AUH: variants seen among roughly 807,000 people sequenced by gnomAD.
AUH encodes AU RNA binding methylglutaconyl-CoA hydratase.
In AUH, 29 loss-of-function variants were observed where a neutral mutation model predicts 42.3. The ratio of observed to expected loss-of-function variants is 0.69; its 90% CI spans 0.51 to 0.93. The LOEUF (loss-of-function observed/expected upper bound fraction) is 0.93. Among genes scored for constraint, AUH ranks in the 40% least tolerant of loss-of-function variants. The probability of loss-of-function intolerance (pLI) is 0.00; values close to 1 mark genes in which losing one functional copy is unlikely to be tolerated. For missense variants in AUH, 452 were observed against 438.1 expected (o/e 1.03, Z -0.28); for synonymous variants, 174 against 166.4 (o/e 1.05, Z -0.35).
chr9:91,343,207 T>C (rs949594907), intron 3 of AUH: 4 of 152,138 alleles, frequency 2.6e-5, no homozygotes, highest in Admixed American at 1.3e-4. Flanking sequence ...TCATCTCTCC[T>C]AACCTCTCAT....
chr9:91,307,707 A>G (rs1703934363), intron 4 of AUH, among the ~76,000 whole-genome samples: 1 of 152,196 alleles, frequency 6.6e-6, no homozygotes, highest in African/African-American at 2.4e-5. Flanking sequence ...ATTGTTGCTA[A>G]TATCTTACTA....
At chr9:91,277,400 GA>G (rs1165208298) in intron 6 of AUH, among the ~76,000 whole-genome samples, 1 of 152,092 alleles carries the variant, frequency 6.6e-6, no homozygotes, top group African/African-American at 2.4e-5. Flanking sequence ...AACATTTCAA[GA>G]GAGTTCCTTA....
In AUH at chr9:91,355,881, A is replaced by T; in HGVS notation, c.418+2T>A. 3 of 1,602,746 alleles carry T rather than the reference A, an allele frequency of 1.9e-6. No individual in the cohort carries two copies. Among genetic ancestry groups the T allele is most frequent in the Non-Finnish European group, 2.6e-6 (3 of 1,169,766 alleles). On this transcript the variant is annotated splice_donor_variant, in intron 3 of 9. Transcript: ENST00000375731. LOFTEE classifies it high-confidence loss of function. ...ATTTCATAATACAACATATTTACAT[A>T]CCAGCACAGAATATCCCTGGGACTT...
At chr9:91,216,224 C>CTATATCAA in intron 8 of AUH, 118 bp from the exon 9 acceptor site, 1 of 1,009,734 alleles carries the variant, frequency 9.9e-7, no homozygotes, top group Non-Finnish European at 1.5e-6. Context: ...TGATATAGTA[C>CTATATCAA]AGCAGATCAG....
intron 6 of AUH, among the ~76,000 whole-genome samples, chr9:91,235,327 A>G (rs1439490368): frequency 1.3e-5 from 2 of 152,086 alleles, no homozygotes. Context: ...GACTTGGAAT[A>G]AGTGTTGTCT....
chr9:91,314,583 TA>T (rs980534048), intron 4 of AUH, among the ~76,000 whole-genome samples: 20 of 139,468 alleles, frequency 1.4e-4, no homozygotes, highest in Admixed American at 2.9e-4. Flanking sequence ...TAATGAGAAA[TA>T]AAAAAAAAAA....
chr9:91,299,172 T>C (rs1827587740), intron 4 of AUH, among the ~76,000 whole-genome samples: 1 of 152,158 alleles, frequency 6.6e-6, no homozygotes, highest in Non-Finnish European at 1.5e-5. Flanking sequence ...TGAGCCAAGA[T>C]CGTGCCATTG....
intron 6 of AUH, among the ~76,000 whole-genome samples, chr9:91,286,770 A>C (rs1826445314): frequency 6.6e-6 from 1 of 151,992 alleles, no homozygotes; most frequent in Admixed American, 6.6e-5. Context: ...CTACCTACCT[A>C]ACTACCTATC....
chr9:91,239,366 T>C (rs1165400508), intron 6 of AUH, among the ~76,000 whole-genome samples: 1 of 152,188 alleles, frequency 6.6e-6, no homozygotes, highest in Non-Finnish European at 1.5e-5. Flanking sequence ...CTCTCATAAA[T>C]AGAAAAGCCC....
intron 6 of AUH, among the ~76,000 whole-genome samples, chr9:91,281,756 C>T (rs1825981328): frequency 6.6e-6 from 1 of 152,074 alleles, no homozygotes; most frequent in Non-Finnish European, 1.5e-5. Context: ...CTTTTGGCTC[C>T]ATCTTCAAAA....
In AUH at chr9:91,355,929, T is replaced by C; in HGVS notation, c.372A>G (p.Val124=). The change falls in exon 3 of 10, where the codon GTA becomes GTG. Residue 124 remains valine (V), a synonymous_variant. Coordinates refer to ENST00000375731, the MANE Select transcript of AUH (RefSeq NM_001698.3). ...AVDALKSDKK[V]RTIIIRSEVP... ...CTTCACTCCTGATTATTATGGTCCG[T>C]ACTTTCTTATCAGATTTCAAAGCAT... 1 of 1,613,646 alleles carries C rather than the reference T, an allele frequency of 6.2e-7. No individual in the cohort carries two copies. The highest frequency in any genetic ancestry group is 8.5e-7 in the Non-Finnish European group (1 of 1,179,676).
At chr9:91,346,556 C>T (rs1831525487) in intron 3 of AUH, among the ~76,000 whole-genome samples, 1 of 152,186 alleles carries the variant, frequency 6.6e-6, no homozygotes, top group African/African-American at 2.4e-5. Context: ...GATGCTCTAG[C>T]AAATCCCATT....
At chr9:91,229,253 A>G (rs1827718477) in intron 6 of AUH, among the ~76,000 whole-genome samples, 1 of 148,662 alleles carries the variant, frequency 6.7e-6, no homozygotes, top group Admixed American at 6.7e-5. Context: ...TTGGGTGCAT[A>G]TATATTTAGG....
At chr9:91,354,610 T>G (rs75005175) in intron 3 of AUH, among the ~76,000 whole-genome samples, 4,403 of 152,288 alleles carry the variant, frequency 0.029, 104 homozygotes, top group East Asian at 0.066. Flanking sequence ...CACCAGTAAC[T>G]ATAGTGCAAT....
intron 7 of AUH, chr9:91,218,592 T>G (rs1587616128): frequency 2.0e-6 from 2 of 983,418 alleles, no homozygotes; most frequent in African/African-American, 3.5e-5. Flanking sequence ...CAGACCACAC[T>G]TTGGGAAGTA....
At chr9:91,269,452 G>A (rs935501735) in intron 6 of AUH, among the ~76,000 whole-genome samples, 1 of 152,104 alleles carries the variant, frequency 6.6e-6, no homozygotes, top group Non-Finnish European at 1.5e-5. Flanking sequence ...AAATATAAAC[G>A]TTTAAATTTT....
At chr9:91,254,153 C>G (rs992784793) in intron 6 of AUH, among the ~76,000 whole-genome samples, 1 of 152,186 alleles carries the variant, frequency 6.6e-6, no homozygotes, top group Non-Finnish European at 1.5e-5. Flanking sequence ...CACAGGAAGA[C>G]TGCACATCTG....
At chr9:91,287,939 T>G (rs1473080867) in intron 6 of AUH, among the ~76,000 whole-genome samples, 1 of 152,032 alleles carries the variant, frequency 6.6e-6, no homozygotes, top group Non-Finnish European at 1.5e-5. Flanking sequence ...AAAGAAGGAT[T>G]TGGGGAATGG....
intron 4 of AUH, among the ~76,000 whole-genome samples, chr9:91,320,809 G>A (rs1829513207): frequency 6.6e-6 from 1 of 152,174 alleles, no homozygotes; most frequent in Non-Finnish European, 1.5e-5. Flanking sequence ...GTGTTCATGA[G>A]AATACATAAG....
Sources: allele counts gnomAD v4.1 joint callset (sites outside exome capture counted in the v4.1 genomes callset), GRCh38; gene constraint gnomAD v4.1.1; transcripts MANE v1.5; gene names NCBI Gene and HGNC (gene_info 2026-07-23, HGNC 2026-07-21).